Variants in OCRL observed in about 807,000 individuals in gnomAD.
The protein encoded by OCRL is inositol polyphosphate 5-phosphatase OCRL.
OCRL carries 8 observed loss-of-function variants against 78.9 expected under a neutral mutation model. That is an observed-to-expected ratio of 0.10 (90% confidence interval 0.06 to 0.18). The LOEUF (loss-of-function observed/expected upper bound fraction) is 0.18. Among genes scored for constraint, OCRL ranks in the 10% least tolerant of loss-of-function variants. The probability of loss-of-function intolerance (pLI) is 1.00; values close to 1 mark genes in which losing one functional copy is unlikely to be tolerated. For missense variants in OCRL, 454 were observed against 696.7 expected, an observed-to-expected ratio of 0.65 and a Z score of 3.92; for synonymous variants, 240 against 235.4, an observed-to-expected ratio of 1.02 and a Z score of -0.18.
chrX:129,540,680 G>T (rs1037850000), intron 1 of OCRL, 64 bp from the exon 2 acceptor site: 4 of 949,118 alleles, frequency 4.2e-6, no homozygotes, highest in Non-Finnish European at 6.0e-6. Context: ...GACCCCCTTC[G>T]CCCCGCAGTG....
At chrX:129,569,840 C>CTTTTT (rs139960777) in intron 15 of OCRL, among the ~76,000 whole-genome samples, 7 of 83,828 alleles carry the variant, frequency 8.4e-5, no homozygotes, top group Non-Finnish European at 1.7e-4. Context: ...CTTATTTTTT[C>CTTTTT]TTTTTTTTTT....
At chrX:129,557,272 A>C (rs1299793592) in intron 4 of OCRL, 53 bp from the exon 5 acceptor site, 81 of 1,019,078 alleles carry the variant, frequency 7.9e-5, no homozygotes, top group Non-Finnish European at 1.1e-4. Context: ...ATATGATCCC[A>C]GTAAAACATT....
intron 18 of OCRL, among the ~76,000 whole-genome samples, chrX:129,580,292 A>G (rs561542524): frequency 3.4e-4 from 38 of 112,254 alleles, no homozygotes; most frequent in African/African-American, 1.2e-3. Context: ...GGACATCTTG[A>G]ATAAAGGGTA....
At chrX:129,542,366 A>C (rs983519129) in intron 2 of OCRL, among the ~76,000 whole-genome samples, 2 of 107,816 alleles carry the variant, frequency 1.9e-5, no homozygotes, top group African/African-American at 7.3e-5. Flanking sequence ...CTAACAACTA[A>C]TATAGTTGTT....
rs371330116 is a variant in OCRL, at chrX:129,567,328, T to C, written c.1431T>C (p.Tyr477=). ...NEGEIKFIPT[Y]KYDSKTDRWD... ...GGGAAATCAAGTTCATCCCCACTTA[T>C]AAGTATGACTCTAAAACAGACCGGT... The change falls in exon 14 of 24, where the codon TAT becomes TAC. Residue 477 remains tyrosine (Y), a synonymous_variant. Transcript: ENST00000371113. 7.5e-6 allele frequency: 9 copies of C among 1,201,140 alleles called. No homozygotes were observed. In the Admixed American group the frequency reaches 1.1e-4, roughly 15 times the overall value.
chrX:129,546,793 A>AT (rs1935884385), intron 3 of OCRL, among the ~76,000 whole-genome samples: 1 of 111,984 alleles, frequency 8.9e-6, no homozygotes, highest in South Asian at 3.7e-4. Context: ...TCAATTGCTG[A>AT]TTGTTAGATC....
intron 4 of OCRL, chrX:129,549,715 C>T (rs1398334693): frequency 8.9e-6 from 1 of 112,365 alleles, no homozygotes; most frequent in African/African-American, 3.2e-5. Context: ...TAACAACTGA[C>T]ACTGCTGCTG....
intron 4 of OCRL, among the ~76,000 whole-genome samples, chrX:129,552,367 G>A (rs1187141564): frequency 8.9e-6 from 1 of 112,145 alleles, no homozygotes. Context: ...CACAAAGAAT[G>A]AGTTTTCCTC....
At position 129,552,749 on chromosome X, in the gene OCRL, G is replaced by A. The variant is rs185546721; in HGVS notation, c.238+4148G>A. Among the ~76,000 whole-genome samples the A allele has an allele frequency of 1.3e-4, 15 of 112,248 alleles. No homozygotes were observed. The Admixed American group carries it at 1.4e-3, about 11-fold the overall frequency. ...CTGAGATTTTTTTTGAGACACCTGAGTGTAGATGATAAATTGGCAAGTGAA... is the reference window on the plus strand; with the variant it reads ...CTGAGATTTTTTTTGAGACACCTGAATGTAGATGATAAATTGGCAAGTGAA... On this transcript the variant is annotated intron_variant, in intron 4 of 23. Transcript: ENST00000371113.
At chrX:129,581,013 C>T (rs570117487) in intron 18 of OCRL, among the ~76,000 whole-genome samples, 109 of 111,495 alleles carry the variant, frequency 9.8e-4, no homozygotes, top group African/African-American at 3.2e-3. Flanking sequence ...TACAGGCGCG[C>T]GCCACCACGC....
intron 11 of OCRL, 21 bp downstream of exon 11, chrX:129,562,521 G>A: frequency 1.7e-6 from 2 of 1,187,278 alleles, no homozygotes; most frequent in Middle Eastern, 2.3e-4. Flanking sequence ...TTGGAAATGA[G>A]CTTGATTATT....
Position 129,540,274 on chromosome X carries a change from T to G in OCRL, c.-166T>G, listed in dbSNP as rs1935765384. The G allele has an allele frequency of 3.6e-6, 2 of 555,765 alleles. No homozygotes were observed. Among genetic ancestry groups the G allele is most frequent in the Non-Finnish European group, 5.9e-6 (2 of 338,616 alleles). The allele number at this position is 555,765 out of a possible 1,213,427, so 45.8% of individuals were successfully genotyped here. ...AGGCGCCGCTCTCTCTTGGGTCAGA[T>G]TCTCAGCTCCCAGCTCCCCGCTCCC... On this transcript the variant is annotated 5_prime_UTR_variant, in exon 1 of 24. Coordinates refer to ENST00000371113, the MANE Select transcript of OCRL (RefSeq NM_000276.4).
chrX:129,578,849 A>G (rs1275513567), intron 18 of OCRL, among the ~76,000 whole-genome samples: 1 of 110,603 alleles, frequency 9.0e-6, no homozygotes, highest in Non-Finnish European at 1.9e-5. Context: ...TTTTTATTAA[A>G]TTGTATGTGT....
At position 129,575,167 on chromosome X, in the gene OCRL, C is replaced by T. The variant is rs1000120514; in HGVS notation, c.1630C>T (p.Arg544Trp). 2.5e-6 allele frequency: 3 copies of T among 1,205,973 alleles called. No homozygotes were observed. Among genetic ancestry groups the T allele is most frequent in the African/African-American group, 3.5e-5 (2 of 57,084 alleles). ...GVKVVDERRYRKVFEDSVRIM... is the reference protein window; with the variant it reads ...GVKVVDERRYWKVFEDSVRIM... ...GAAGGTTGTGGATGAACGAAGGTACCGGAAAGTCTTTGAAGATAGTGTACG... is the reference window on the plus strand; with the variant it reads ...GAAGGTTGTGGATGAACGAAGGTACTGGAAAGTCTTTGAAGATAGTGTACG... The change falls in exon 16 of 24, where the codon CGG becomes TGG. Residue 544 changes from arginine to tryptophan, a missense_variant. By Grantham distance (101) the Arg-to-Trp change is moderately radical. Around this residue, in one of 2 missense-constraint regions of OCRL, gnomAD observed 277 missense variants for 517.1 expected, o/e 0.54. Transcript: ENST00000371113.
At chrX:129,564,410 A>G (rs1419658913) in intron 12 of OCRL, among the ~76,000 whole-genome samples, 3 of 111,172 alleles carry the variant, frequency 2.7e-5, no homozygotes, top group Non-Finnish European at 3.8e-5. Flanking sequence ...TGCTATAAAG[A>G]CATATGCACA....
rs769463612 is a variant in OCRL, at chrX:129,565,704, C to T, written c.1245-68C>T. ...TATCAATAATCTACCCATTTTTCTT[C>T]TCTCCATCCTTCTCTGTTTTTTTTA... On this transcript the variant is annotated intron_variant, in intron 12 of 23. Transcript: ENST00000371113. The T allele has an allele frequency of 6.1e-5, 51 of 834,213 alleles. 1 individual carries two copies. The Middle Eastern group carries it at 1.7e-3, about 28-fold the overall frequency. 68.7% of individuals were successfully genotyped at this position (834,213 alleles called of 1,213,427 possible).
chrX:129,547,039 C>G (rs754005422), intron 3 of OCRL, among the ~76,000 whole-genome samples: 32 of 110,232 alleles, frequency 2.9e-4, no homozygotes, highest in African/African-American at 9.6e-4. Context: ...GGCAACATTG[C>G]GAGACCCCAT....
chrX:129,562,240 C>T (rs976618519), intron 10 of OCRL, 144 bp from the exon 11 acceptor site: 9 of 538,876 alleles, frequency 1.7e-5, no homozygotes, highest in South Asian at 2.5e-5. Context: ...TTCCACTTGA[C>T]GGGGTCCACT....
At chrX:129,540,924 G>A (rs1284075670) in intron 2 of OCRL, 101 bp downstream of exon 2, 7 of 668,077 alleles carry the variant, frequency 1.0e-5, no homozygotes, top group East Asian at 3.3e-5. Flanking sequence ...GAAGCCACGC[G>A]GGCAACAGGT....
Sources: allele counts gnomAD v4.1 joint callset (sites outside exome capture counted in the v4.1 genomes callset), GRCh38; gene constraint gnomAD v4.1.1; regional missense constraint gnomAD v4.1.1; transcripts MANE v1.5; gene names NCBI Gene and HGNC (gene_info 2026-07-23, HGNC 2026-07-21).